Variants in TBC1D5 observed in about 807,000 individuals in gnomAD.
The protein encoded by TBC1D5 is TBC1 domain family member 5.
A neutral mutation model predicts 100.3 loss-of-function variants in TBC1D5; 75 were observed. That is an observed-to-expected ratio of 0.75 (90% confidence interval 0.62 to 0.91). The LOEUF (loss-of-function observed/expected upper bound fraction) is 0.91, where lower values mean the gene tolerates loss of function less well. Ranked by LOEUF, TBC1D5 falls within the 40% of genes least tolerant of loss-of-function variation. The pLI, the probability that TBC1D5 is intolerant of heterozygous loss-of-function variation, is 0.00. For synonymous variants in TBC1D5, 323 were observed against 325.6 expected, an observed-to-expected ratio of 0.99 and a Z score of 0.09; for missense variants, 910 against 942.4, an observed-to-expected ratio of 0.97 and a Z score of 0.45.
At chr3:17,164,002 T>C (rs1324653940) in intron 21 of TBC1D5, among the ~76,000 whole-genome samples, 1 of 152,152 alleles carries the variant, frequency 6.6e-6, no homozygotes, top group Non-Finnish European at 1.5e-5. Flanking sequence ...TGCAGCTGAT[T>C]TGAGTTAGTT....
intron 2 of TBC1D5, among the ~76,000 whole-genome samples, chr3:17,571,766 A>G (rs965065824): frequency 1.3e-5 from 2 of 152,020 alleles, no homozygotes; most frequent in African/African-American, 4.8e-5. Flanking sequence ...CAACTAAAAC[A>G]CATACATCCA....
intron 1 of TBC1D5, among the ~76,000 whole-genome samples, chr3:17,738,338 CACTT>C (rs1287255801): frequency 3.3e-5 from 5 of 152,098 alleles, no homozygotes; most frequent in Non-Finnish European, 7.4e-5. Flanking sequence ...GAATATCTAT[CACTT>C]ACGTGATAGC....
chr3:17,574,262 G>A (rs923449153), intron 2 of TBC1D5, among the ~76,000 whole-genome samples: 1 of 151,884 alleles, frequency 6.6e-6, no homozygotes, highest in Non-Finnish European at 1.5e-5. Flanking sequence ...TCCTTCCATT[G>A]CCTCCAAATT....
intron 16 of TBC1D5, among the ~76,000 whole-genome samples, chr3:17,256,433 T>C (rs1559499844): frequency 6.8e-6 from 1 of 147,744 alleles, no homozygotes. Context: ...ATATATAATA[T>C]ATATATAAAC....
At chr3:17,673,468 GCCC>G (rs2068221840) in intron 1 of TBC1D5, among the ~76,000 whole-genome samples, 1 of 146,240 alleles carries the variant, frequency 6.8e-6, no homozygotes, top group Non-Finnish European at 1.5e-5. Flanking sequence ...GTGCCACCAT[GCCC>G]AGATAATGTT....
chr3:17,650,719 T>C (rs2065467624), intron 1 of TBC1D5, among the ~76,000 whole-genome samples: 1 of 152,230 alleles, frequency 6.6e-6, no homozygotes, highest in Non-Finnish European at 1.5e-5. Context: ...AGGAATTTTA[T>C]TCTTTTTCTG....
chr3:17,394,182 A>G (rs1021962222), intron 8 of TBC1D5, among the ~76,000 whole-genome samples: 1 of 152,162 alleles, frequency 6.6e-6, no homozygotes, highest in Non-Finnish European at 1.5e-5. Flanking sequence ...CCCAGAAGGC[A>G]GAAACAGTAT....
chr3:17,335,619 G>C (rs896732855), intron 13 of TBC1D5, among the ~76,000 whole-genome samples: 11 of 152,078 alleles, frequency 7.2e-5, no homozygotes, highest in Admixed American at 6.6e-4. Flanking sequence ...AAAGATTGTA[G>C]AACACAAACT....
At chr3:17,489,864 T>A (rs1003274070) in intron 3 of TBC1D5, among the ~76,000 whole-genome samples, 1 of 152,214 alleles carries the variant, frequency 6.6e-6, no homozygotes, top group Non-Finnish European at 1.5e-5. Flanking sequence ...TTCCTTCAGG[T>A]ACATATACAG....
chr3:17,651,648 A>G (rs1416593115), intron 1 of TBC1D5, among the ~76,000 whole-genome samples: 2 of 152,084 alleles, frequency 1.3e-5, no homozygotes, highest in Non-Finnish European at 2.9e-5. Flanking sequence ...GGTTGCAGTG[A>G]GCCAAGATTG....
At chr3:17,529,198 G>C in intron 2 of TBC1D5, among the ~76,000 whole-genome samples, 1 of 152,126 alleles carries the variant, frequency 6.6e-6, no homozygotes, top group East Asian at 1.9e-4. Context: ...TGGCCCTTTA[G>C]CCACCAACCT....
intron 14 of TBC1D5, among the ~76,000 whole-genome samples, chr3:17,293,772 A>G (rs564213406): frequency 6.6e-6 from 1 of 152,382 alleles, no homozygotes; most frequent in East Asian, 1.9e-4. Context: ...CAGATGTGTA[A>G]TATCAAGCAG....
At chr3:17,614,787 A>C (rs1448384749) in intron 2 of TBC1D5, among the ~76,000 whole-genome samples, 1 of 152,226 alleles carries the variant, frequency 6.6e-6, no homozygotes, top group Non-Finnish European at 1.5e-5. Context: ...TTTTGGGCTG[A>C]GATGATGGGG....
intron 3 of TBC1D5, among the ~76,000 whole-genome samples, chr3:17,479,859 AG>A (rs1163581199): frequency 6.6e-6 from 1 of 152,124 alleles, no homozygotes; most frequent in Non-Finnish European, 1.5e-5. Context: ...TGCGGGAGCG[AG>A]GGACAGGCAG....
At chr3:17,297,681 T>A (rs2082396400) in intron 14 of TBC1D5, among the ~76,000 whole-genome samples, 1 of 151,960 alleles carries the variant, frequency 6.6e-6, no homozygotes, top group Non-Finnish European at 1.5e-5. Context: ...CTCCTGGGCT[T>A]AAGTGATCCT....
chr3:17,168,144 T>C (rs1251633581), intron 19 of TBC1D5, among the ~76,000 whole-genome samples: 1 of 152,186 alleles, frequency 6.6e-6, no homozygotes, highest in East Asian at 1.9e-4. Flanking sequence ...GGGCCATTCA[T>C]CTAATCTCTA....
chr3:17,264,435 G>C (rs910082841), intron 15 of TBC1D5, among the ~76,000 whole-genome samples: 13 of 152,166 alleles, frequency 8.5e-5, no homozygotes, highest in African/African-American at 3.1e-4. Context: ...TATTTCAAAG[G>C]ACTGGCTATT....
At chr3:17,729,231 AG>A (rs1387752428) in intron 1 of TBC1D5, among the ~76,000 whole-genome samples, 5 of 151,938 alleles carry the variant, frequency 3.3e-5, no homozygotes, top group African/African-American at 1.2e-4. Flanking sequence ...TCTATAAGGC[AG>A]TTTTGCAGTT....
At chr3:17,280,765 C>G (rs2080497049) in intron 15 of TBC1D5, among the ~76,000 whole-genome samples, 1 of 152,212 alleles carries the variant, frequency 6.6e-6, no homozygotes, top group East Asian at 1.9e-4. Flanking sequence ...CAAAAAAGAG[C>G]TTGGACACCA....
Sources: gnomAD v4.1 joint callset for allele counts (sites outside exome capture counted in the v4.1 genomes callset) on GRCh38, gnomAD v4.1.1 for gene constraint, MANE v1.5 for transcripts, NCBI Gene and HGNC (gene_info 2026-07-23, HGNC 2026-07-21) for gene names.